SEMA3E: variants seen among roughly 807,000 people sequenced by gnomAD.
The protein encoded by SEMA3E is semaphorin-3E.
In SEMA3E, 49 loss-of-function variants were observed where a neutral mutation model predicts 93.6. The observed-to-expected ratio is 0.52, with a 90% confidence interval of 0.42 to 0.66. SEMA3E has a LOEUF of 0.66. Among genes scored for constraint, SEMA3E ranks in the 30% least tolerant of loss-of-function variants. The pLI, the probability that SEMA3E is intolerant of heterozygous loss-of-function variation, is 0.00. For synonymous variants in SEMA3E, 363 were observed against 330.7 expected, an observed-to-expected ratio of 1.10 and a Z score of -1.06; for missense variants, 906 against 964.8, an observed-to-expected ratio of 0.94 and a Z score of 0.81.
chr7:83,546,646 A>T (rs1354230602), intron 1 of SEMA3E, among the ~76,000 whole-genome samples: 2 of 152,106 alleles, frequency 1.3e-5, no homozygotes, highest in African/African-American at 4.8e-5. Context: ...GTACTTTGAA[A>T]TAACTTCTTA....
At chr7:83,639,108 CTCAAAA>C (rs1793940537) in intron 1 of SEMA3E, among the ~76,000 whole-genome samples, 1 of 33,656 alleles carries the variant, frequency 3.0e-5, no homozygotes, top group African/African-American at 7.7e-5. Flanking sequence ...GAGACTCCGT[CTCAAAA>C]AAAAAAAAAA....
intron 5 of SEMA3E, among the ~76,000 whole-genome samples, chr7:83,417,906 ATT>A (rs1788586757): frequency 6.6e-6 from 1 of 152,118 alleles, no homozygotes; most frequent in Non-Finnish European, 1.5e-5. Context: ...TACATTCTAG[ATT>A]AACAGAAATT....
intron 16 of SEMA3E, among the ~76,000 whole-genome samples, chr7:83,384,361 C>A (rs1173160541): frequency 6.6e-6 from 1 of 152,034 alleles, no homozygotes; most frequent in East Asian, 1.9e-4. Context: ...GCACCTATTA[C>A]CTCTTCTCTG....
intron 1 of SEMA3E, among the ~76,000 whole-genome samples, chr7:83,525,425 A>G (rs1207448452): frequency 6.6e-6 from 1 of 152,074 alleles, no homozygotes; most frequent in Non-Finnish European, 1.5e-5. Flanking sequence ...TAAAAAAAGT[A>G]TTCAATTACT....
intron 4 of SEMA3E, among the ~76,000 whole-genome samples, chr7:83,454,272 A>AAATATATATATATATAT (rs1257792756): frequency 3.6e-5 from 4 of 110,112 alleles, no homozygotes; most frequent in African/African-American, 1.7e-4. Flanking sequence ...AAAAAAAAAA[A>AAATATATATATATATAT]ATATATATAT....
At chr7:83,639,283 A>G (rs916334179) in intron 1 of SEMA3E, among the ~76,000 whole-genome samples, 2 of 152,116 alleles carry the variant, frequency 1.3e-5, no homozygotes, top group African/African-American at 4.8e-5. Flanking sequence ...GACCCAGCTC[A>G]GAAGCAGAGC....
intron 1 of SEMA3E, among the ~76,000 whole-genome samples, chr7:83,570,179 T>G (rs1792243365): frequency 6.6e-6 from 1 of 152,198 alleles, no homozygotes; most frequent in South Asian, 2.1e-4. Flanking sequence ...TTAATAAAAA[T>G]AAAGACACAG....
chr7:83,477,552 G>A (rs6467949), intron 2 of SEMA3E, among the ~76,000 whole-genome samples: 87,018 of 151,866 alleles, frequency 0.57, 26,007 homozygotes, highest in African/African-American at 0.74. Context: ...AGCAGTTTAT[G>A]TGCCAGAATT....
intron 1 of SEMA3E, among the ~76,000 whole-genome samples, chr7:83,582,930 T>C (rs904196602): frequency 6.6e-5 from 10 of 152,156 alleles, no homozygotes; most frequent in Non-Finnish European, 1.2e-4. Context: ...TATAGACATA[T>C]GTTTATACAA....
At chr7:83,492,750 T>C (rs73707859) in intron 1 of SEMA3E, among the ~76,000 whole-genome samples, 5,855 of 151,774 alleles carry the variant, frequency 0.039, 138 homozygotes, top group African/African-American at 0.066. Context: ...ACACATATAC[T>C]TTTACAAAAC....
intron 2 of SEMA3E, among the ~76,000 whole-genome samples, chr7:83,470,772 T>G (rs554998991): frequency 1.4e-4 from 21 of 152,232 alleles, no homozygotes; most frequent in Admixed American, 6.5e-4. Flanking sequence ...AAGAACTGGG[T>G]TTTTGAGTTC....
At chr7:83,388,001 T>A (rs1787917852) in intron 14 of SEMA3E, among the ~76,000 whole-genome samples, 1 of 147,358 alleles carries the variant, frequency 6.8e-6, no homozygotes, top group African/African-American at 2.5e-5. Context: ...GTATATAATA[T>A]AATGTTTTGA....
chr7:83,612,481 T>C (rs148034061), intron 1 of SEMA3E: 2 of 152,058 alleles, frequency 1.3e-5, no homozygotes, highest in Non-Finnish European at 2.9e-5. Context: ...ATCTTACAAA[T>C]GAAGAACTGA....
At position 83,418,435 on chromosome 7, in the gene SEMA3E, T is replaced by G. The variant is rs1332461758; in HGVS notation, c.505A>C (p.Arg169=). ...ESPRSERGRG[R]CPFDPSSSFI... is the part of the protein sequence containing the mutation. ...GAGGAGCTGGGGTCAAAAGGACATC[T>G]GCCCCTTCCTCTCTCAGATCTGGGT... Residue 169 remains arginine, a synonymous_variant, in exon 5 of 17, where the codon AGA becomes CGA. Coordinates refer to ENST00000643230, the MANE Select transcript of SEMA3E (RefSeq NM_012431.3). 1 of 1,612,102 alleles carries G rather than the reference T, an allele frequency of 6.2e-7. No homozygotes were observed. Among genetic ancestry groups the G allele is most frequent in the Non-Finnish European group, 8.5e-7 (1 of 1,179,072 alleles).
In SEMA3E at chr7:83,363,979, C is replaced by T. The variant is rs1025564486; in HGVS notation, c.*3607G>A. 2 of 143,552 alleles carry T rather than the reference C, an allele frequency of 1.4e-5. No homozygotes were observed. Among genetic ancestry groups the T allele is most frequent in the African/African-American group, 5.0e-5 (2 of 39,734 alleles). The allele number at this position is 143,552 out of a possible 1,614,324, so 8.9% of individuals were successfully genotyped here. On this transcript the variant is annotated 3_prime_UTR_variant, in exon 17 of 17. Coordinates refer to ENST00000643230, the MANE Select transcript of SEMA3E (RefSeq NM_012431.3). ...GCGCAATCTCGGCTCACTGCAAGCT[C>T]CGCTTCCCGGGTTCACGCCATTCTC...
intron 1 of SEMA3E, among the ~76,000 whole-genome samples, chr7:83,607,869 T>C (rs1793159858): frequency 6.6e-6 from 1 of 152,116 alleles, no homozygotes; most frequent in Non-Finnish European, 1.5e-5. Context: ...AATTAGAAAC[T>C]ATTGAGGAGT....
intron 2 of SEMA3E, among the ~76,000 whole-genome samples, chr7:83,474,582 G>A (rs1250477604): frequency 6.6e-6 from 1 of 152,120 alleles, no homozygotes; most frequent in Non-Finnish European, 1.5e-5. Context: ...GAAAAATGGT[G>A]ATATAAAAGA....
Position 83,367,732 on chromosome 7 carries a change from A to G in SEMA3E, c.2182T>C (p.Tyr728His). 1 of 1,614,098 alleles carries G rather than the reference A, an allele frequency of 6.2e-7. No individual in the cohort carries two copies. The highest frequency in any genetic ancestry group is 8.5e-7 in the Non-Finnish European group (1 of 1,180,004). Residue 728 changes from tyrosine (Y) to histidine (H), a missense_variant, in exon 17 of 17, where the codon TAC becomes CAC. By Grantham distance (83) the Tyr-to-His change is moderately conservative (BLOSUM62 2). Coordinates refer to ENST00000643230, the MANE Select transcript of SEMA3E (RefSeq NM_012431.3). Reference sequence around the variant, plus strand: ...TCTGTGCACCATACTTTCTCGCAGTATTCTTCCACTCTCTGGAAGTTGCTA... The same window carrying G: ...TCTGTGCACCATACTTTCTCGCAGTGTTCTTCCACTCTCTGGAAGTTGCTA... ...GYSNFQRVEE[Y>H]CEKVWCTDRK... is the part of the protein sequence containing the mutation.
intron 1 of SEMA3E, among the ~76,000 whole-genome samples, chr7:83,507,424 CTGTGTGTGTGTGTGTGTG>C (rs4016317): frequency 0.064 from 8,018 of 125,984 alleles, 335 homozygotes; most frequent in South Asian, 0.24. Context: ...AAACAGAACT[CTGTGTGTGTGTGTGTGTG>C]TGTGTGTGTG....
Sources: allele counts gnomAD v4.1 joint callset (sites outside exome capture counted in the v4.1 genomes callset), GRCh38; gene constraint gnomAD v4.1.1; transcripts MANE v1.5; gene names NCBI Gene and HGNC (gene_info 2026-07-23, HGNC 2026-07-21).